EPHA6: variants seen among roughly 807,000 people sequenced by gnomAD.
EPHA6 encodes the protein ephrin type-A receptor 6.
EPHA6 carries 50 observed loss-of-function variants against 112.0 expected under a neutral mutation model. That is an observed-to-expected ratio of 0.45 (90% CI 0.36 to 0.56). The LOEUF (loss-of-function observed/expected upper bound fraction) is 0.56. Among genes scored for constraint, EPHA6 ranks in the 20% least tolerant of loss-of-function variants. The probability of loss-of-function intolerance (pLI) is 0.00; values close to 1 mark genes in which losing one functional copy is unlikely to be tolerated. For missense variants in EPHA6, 1,280 were observed against 1,417.4 expected, an observed-to-expected ratio of 0.90 and a Z score of 1.56; for synonymous variants, 529 against 490.7, an observed-to-expected ratio of 1.08 and a Z score of -1.03.
chr3:97,648,125 C>T (rs1429370654), intron 14 of EPHA6, among the ~76,000 whole-genome samples: 1 of 152,036 alleles, frequency 6.6e-6, no homozygotes, highest in Non-Finnish European at 1.5e-5. Flanking sequence ...CTAATTGCAT[C>T]GATTTTGTGT....
chr3:97,287,605 G>A lies in EPHA6; in HGVS notation c.1606+43318G>A, dbSNP rs1005820075. On this transcript the variant is annotated intron_variant, in intron 5 of 17. Transcript: ENST00000389672. ...TGAGCCATGTTCTTTTATGTTTATTGAGAGTTTTTATCATGAAGGGATGTT... is the reference window on the plus strand; with the variant it reads ...TGAGCCATGTTCTTTTATGTTTATTAAGAGTTTTTATCATGAAGGGATGTT... Among the ~76,000 whole-genome samples, 5 of 152,246 alleles carry A rather than the reference G, an allele frequency of 3.3e-5. No individual in the cohort carries two copies. The East Asian group carries it at 7.7e-4, about 23-fold the overall frequency.
intron 3 of EPHA6, among the ~76,000 whole-genome samples, chr3:97,015,338 A>G (rs1019175430): frequency 5.3e-5 from 8 of 152,178 alleles, no homozygotes; most frequent in Non-Finnish European, 8.8e-5. Context: ...AGTAGGGCCT[A>G]TAAGCAGTAG....
chr3:97,516,631 G>A (rs1470786241), intron 10 of EPHA6, among the ~76,000 whole-genome samples: 1 of 152,098 alleles, frequency 6.6e-6, no homozygotes, highest in Non-Finnish European at 1.5e-5. Flanking sequence ...CATCCGTCTA[G>A]AACTGAATTA....
chr3:97,510,570 A>T (rs770195444), intron 10 of EPHA6, among the ~76,000 whole-genome samples: 2 of 152,106 alleles, frequency 1.3e-5, no homozygotes, highest in Non-Finnish European at 2.9e-5. Context: ...GCTTCATCCC[A>T]GAGGGGCACC....
intron 2 of EPHA6, among the ~76,000 whole-genome samples, chr3:96,980,962 G>A (rs1468586046): frequency 6.6e-6 from 1 of 152,128 alleles, no homozygotes; most frequent in East Asian, 1.9e-4. Context: ...TGAGACGATG[G>A]GGTTTTCTAA....
At chr3:97,450,473 C>T (rs2107327523) in intron 7 of EPHA6, among the ~76,000 whole-genome samples, 1 of 152,006 alleles carries the variant, frequency 6.6e-6, no homozygotes, top group African/African-American at 2.4e-5. Context: ...GAAATGCACT[C>T]TCAGATAAAC....
intron 3 of EPHA6, among the ~76,000 whole-genome samples, chr3:97,062,768 A>G (rs1189286657): frequency 6.6e-6 from 1 of 152,158 alleles, no homozygotes; most frequent in Admixed American, 6.5e-5. Context: ...TTCACCTTCC[A>G]CCATGATTGT....
intron 3 of EPHA6, among the ~76,000 whole-genome samples, chr3:97,052,771 T>G (rs2045724383): frequency 6.6e-6 from 1 of 152,058 alleles, no homozygotes; most frequent in Non-Finnish European, 1.5e-5. Flanking sequence ...ATACCCTGTT[T>G]CTACCAATAA....
chr3:97,474,103 T>C (rs539189833), intron 7 of EPHA6, among the ~76,000 whole-genome samples: 26 of 151,954 alleles, frequency 1.7e-4, no homozygotes, highest in African/African-American at 5.8e-4. Flanking sequence ...TGTAGATATG[T>C]CATTTTTATG....
intron 11 of EPHA6, 26 bp downstream of exon 11, chr3:97,532,569 T>C (rs2092707577): frequency 6.4e-7 from 1 of 1,565,218 alleles, no homozygotes; most frequent in African/African-American, 1.4e-5. Flanking sequence ...TCTTCATTAC[T>C]TCTTTCACAC....
intron 5 of EPHA6, among the ~76,000 whole-genome samples, chr3:97,373,005 T>A (rs1420578668): frequency 2.0e-5 from 3 of 152,180 alleles, no homozygotes; most frequent in African/African-American, 7.2e-5. Flanking sequence ...GATGTATGGA[T>A]GTCCATTACA....
At chr3:97,365,111 T>C (rs973813589) in intron 5 of EPHA6, among the ~76,000 whole-genome samples, 3 of 152,198 alleles carry the variant, frequency 2.0e-5, no homozygotes, top group Non-Finnish European at 2.9e-5. Flanking sequence ...GTAGATATAT[T>C]CACCCTATAA....
intron 12 of EPHA6, among the ~76,000 whole-genome samples, chr3:97,598,883 C>A (rs940724221): frequency 2.7e-5 from 4 of 149,432 alleles, no homozygotes; most frequent in African/African-American, 9.7e-5. Flanking sequence ...GTCCCACCAA[C>A]AGTGTAAAAG....
chr3:97,596,133 C>T (rs941170677), intron 12 of EPHA6, among the ~76,000 whole-genome samples: 1 of 151,768 alleles, frequency 6.6e-6, no homozygotes, highest in African/African-American at 2.4e-5. Flanking sequence ...TCTCGATCTA[C>T]TGACCTCATG....
intron 3 of EPHA6, among the ~76,000 whole-genome samples, chr3:97,131,053 GA>G (rs1407465714): frequency 2.0e-5 from 3 of 152,046 alleles, no homozygotes; most frequent in Non-Finnish European, 2.9e-5. Context: ...TATATCTGTA[GA>G]AACTCTGATA....
chr3:97,420,371 A>G (rs1282079072), intron 6 of EPHA6, among the ~76,000 whole-genome samples: 1 of 152,106 alleles, frequency 6.6e-6, no homozygotes, highest in Non-Finnish European at 1.5e-5. Context: ...AAGATATAGT[A>G]ACAAATATTA....
At chr3:97,320,198 T>C (rs2082042910) in intron 5 of EPHA6, among the ~76,000 whole-genome samples, 1 of 152,034 alleles carries the variant, frequency 6.6e-6, no homozygotes, top group Admixed American at 6.6e-5. Context: ...AGACAGTTAG[T>C]ATAACACAAT....
intron 15 of EPHA6, among the ~76,000 whole-genome samples, chr3:97,726,399 C>T (rs572826856): frequency 3.3e-5 from 5 of 152,000 alleles, no homozygotes; most frequent in Non-Finnish European, 7.4e-5. Context: ...GTTTCCTATT[C>T]GCAAAATAAT....
chr3:97,564,916 GA>G (rs1165735811), intron 11 of EPHA6, among the ~76,000 whole-genome samples: 4 of 151,898 alleles, frequency 2.6e-5, no homozygotes, highest in African/African-American at 9.7e-5. Context: ...CTCGGTAGCA[GA>G]AAAAACTTAA....
Sources: allele counts gnomAD v4.1 joint callset (sites outside exome capture counted in the v4.1 genomes callset), GRCh38; gene constraint gnomAD v4.1.1; transcripts MANE v1.5; gene names NCBI Gene and HGNC (gene_info 2026-07-23, HGNC 2026-07-21).